ERICH5: variants seen among roughly 807,000 people sequenced by gnomAD.
ERICH5 encodes glutamate rich 5.
A neutral mutation model predicts 28.0 loss-of-function variants in ERICH5; 24 were observed. That is an observed-to-expected ratio of 0.86 (90% CI 0.62 to 1.21). ERICH5 has a LOEUF of 1.21. Ranked by LOEUF, ERICH5 falls within the 50% of genes most tolerant of loss-of-function variation. ERICH5 has a pLI of 0.00. For synonymous variants in ERICH5, 163 were observed against 157.6 expected (o/e 1.03, Z -0.25); for missense variants, 421 against 441.2 (o/e 0.95, Z 0.41).
intron 1 of ERICH5, among the ~76,000 whole-genome samples, chr8:98,071,690 G>A (rs1193148998): frequency 6.6e-6 from 1 of 151,808 alleles, no homozygotes; most frequent in Non-Finnish European, 1.5e-5. Flanking sequence ...CTCCAGGTGT[G>A]TTTATGTCTT....
At chr8:98,083,991 C>T (rs1184463242) in intron 1 of ERICH5, among the ~76,000 whole-genome samples, 3 of 152,140 alleles carry the variant, frequency 2.0e-5, no homozygotes, top group Non-Finnish European at 4.4e-5. Flanking sequence ...AGTGATCCTC[C>T]CCCATCAGCC....
In ERICH5 at chr8:98,090,025, T is replaced by G; in HGVS notation, c.1008T>G (p.Ile336Met). 6.2e-7 allele frequency: 1 copy of G among 1,606,202 alleles called. No homozygotes were observed. The highest frequency in any genetic ancestry group is 1.1e-5 in the South Asian group (1 of 90,230). The change falls in exon 2 of 3, where the codon ATT becomes ATG. Residue 336 changes from isoleucine to methionine, a missense_variant. Transcript: ENST00000318528. ...ATACTAATGAAGAGGACCAACGCAT[T>G]GAAGGTAAAAGTTATGCTGGCAAAC... ...NIHTNEEDQR[I>M]EGETGEKVET...
rs943710285 is a variant in ERICH5 at position 98,064,949 on chromosome 8, G to A, written c.58+222G>A. Among the ~76,000 whole-genome samples, 3 of 152,320 alleles carry A rather than the reference G, an allele frequency of 2.0e-5. No individual in the cohort carries two copies. The South Asian group carries it at 6.2e-4, about 32-fold the overall frequency. On this transcript the variant is annotated intron_variant, in intron 1 of 2. Transcript: ENST00000318528. The stretch of plus-strand genomic sequence containing the variant: ...CGGCGGCCCTGGTGCGCTCCGCGGC[G>A]CTCGCTGCGAGACGCGCGGGGCCCG...
In ERICH5 at chr8:98,089,588, A is replaced by G. The variant is rs753862086; in HGVS notation, c.571A>G (p.Thr191Ala). The change falls in exon 2 of 3, where the codon ACT becomes GCT. Residue 191 changes from threonine (T) to alanine (A), a missense_variant. Thr to Ala is a moderately conservative substitution (Grantham distance 58, BLOSUM62 0). Transcript: ENST00000318528. ...TGCAGAGATGAAGCCTCTAGGAACA[A>G]CTGAGAACGTTCTGACTCTGCAAAT... ...TAAEMKPLGT[T>A]ENVLTLQIAG... is the part of the protein sequence containing the mutation. 1.2e-6 allele frequency: 2 copies of G among 1,614,226 alleles called. No individual in the cohort carries two copies. The highest frequency in any genetic ancestry group is 2.2e-5 in the East Asian group (1 of 44,894).
intron 1 of ERICH5, among the ~76,000 whole-genome samples, chr8:98,077,624 G>A (rs1815081234): frequency 6.6e-6 from 1 of 152,174 alleles, no homozygotes; most frequent in South Asian, 2.1e-4. Context: ...AGCTCTTAAA[G>A]TTCAGCCTCT....
chr8:98,086,746 C>A (rs540271081), intron 1 of ERICH5, among the ~76,000 whole-genome samples: 8 of 151,834 alleles, frequency 5.3e-5, no homozygotes, highest in Admixed American at 5.2e-4. Context: ...GTCATGAGAT[C>A]GAGACCATCC....
At chr8:98,077,521 G>A (rs1170422249) in intron 1 of ERICH5, among the ~76,000 whole-genome samples, 1 of 152,058 alleles carries the variant, frequency 6.6e-6, no homozygotes, top group African/African-American at 2.4e-5. Flanking sequence ...TTATCTTATA[G>A]GAATCTAAAA....
chr8:98,083,292 C>T (rs1227622582), intron 1 of ERICH5, among the ~76,000 whole-genome samples: 1 of 152,112 alleles, frequency 6.6e-6, no homozygotes, highest in African/African-American at 2.4e-5. Context: ...CTGGTTTATT[C>T]CCTAAGGCAA....
At chr8:98,082,741 C>T (rs967180909) in intron 1 of ERICH5, among the ~76,000 whole-genome samples, 3 of 151,924 alleles carry the variant, frequency 2.0e-5, no homozygotes, top group South Asian at 2.1e-4. Flanking sequence ...CGTGGTGGCA[C>T]ATGTCTGTAG....
chr8:98,083,016 T>C (rs1413691244), intron 1 of ERICH5, among the ~76,000 whole-genome samples: 1 of 152,230 alleles, frequency 6.6e-6, no homozygotes, highest in Non-Finnish European at 1.5e-5. Context: ...CGCAAAGCTT[T>C]TTATTGTGGG....
chr8:98,089,494 G>C lies in ERICH5; in HGVS notation c.477G>C (p.Gln159His). 1 of 1,614,204 alleles carries C rather than the reference G, an allele frequency of 6.2e-7. No individual in the cohort carries two copies. The highest frequency in any genetic ancestry group is 8.5e-7 in the Non-Finnish European group (1 of 1,180,034). Residue 159 changes from glutamine (Q) to histidine (H), a missense_variant, in exon 2 of 3, where the codon CAG (glutamine) becomes CAC (histidine). Transcript: ENST00000318528. ...AQPLGPEAKGQPLQAAVEKDS... is the reference protein window; with the variant it reads ...AQPLGPEAKGHPLQAAVEKDS... ...CTTTAGGACCAGAAGCCAAGGGTCA[G>C]CCTTTGCAGGCAGCAGTAGAGAAGG...
intron 1 of ERICH5, among the ~76,000 whole-genome samples, chr8:98,084,124 A>G (rs1213057354): frequency 1.3e-5 from 2 of 151,378 alleles, no homozygotes; most frequent in Non-Finnish European, 2.9e-5. Context: ...CCTGGCCTCA[A>G]GTGATCCTCC....
intron 1 of ERICH5, 73 bp downstream of exon 1, chr8:98,064,800 G>T (rs1814790143): frequency 2.3e-6 from 3 of 1,310,794 alleles, no homozygotes; most frequent in Non-Finnish European, 3.1e-6. Flanking sequence ...GAGGTCCAAA[G>T]GGTGTGTCCC....
At chr8:98,079,137 G>A (rs1815118473) in intron 1 of ERICH5, among the ~76,000 whole-genome samples, 2 of 149,750 alleles carry the variant, frequency 1.3e-5, no homozygotes, top group Admixed American at 6.7e-5. Flanking sequence ...TAGGATACCA[G>A]GGACCACATT....
intron 1 of ERICH5, among the ~76,000 whole-genome samples, chr8:98,073,482 A>ATG (rs1296338967): frequency 7.8e-4 from 2 of 2,580 alleles, no homozygotes; most frequent in Admixed American, 9.3e-3. Context: ...ATATATATAT[A>ATG]TATGTATATA....
At chr8:98,081,142 G>GT (rs1438614399) in intron 1 of ERICH5, among the ~76,000 whole-genome samples, 2 of 151,070 alleles carry the variant, frequency 1.3e-5, no homozygotes, top group Non-Finnish European at 2.9e-5. Context: ...GTCTTGCTCT[G>GT]TCTCCCAGGC....
In ERICH5 at chr8:98,070,660, C is replaced by CAAAAAAAA. The variant is rs769042472; in HGVS notation, c.58+5948_58+5955dup. The stretch of plus-strand genomic sequence containing the variant: ...GGGCAACAAGAGTGAAACTGCATCT[C>CAAAAAAAA]AAAAAAAAAAAAAAAAAAAAAAGAA... On this transcript the variant is annotated intron_variant, in intron 1 of 2. Coordinates refer to ENST00000318528, the MANE Select transcript of ERICH5 (RefSeq NM_173549.3). Among the ~76,000 whole-genome samples, 122 of 38,716 alleles carry CAAAAAAAA rather than the reference C, an allele frequency of 3.2e-3. 5 individuals are homozygous for CAAAAAAAA. The highest frequency in any genetic ancestry group is 8.4e-3 in the African/African-American group (93 of 11,130). 25.4% of individuals were successfully genotyped at this position (38,716 alleles called of 152,430 possible). A position where few individuals can be genotyped will look rare whatever the true frequency, so the allele number is the denominator to read the frequency against.
Position 98,073,452 on chromosome 8 carries a change from ATATATATG to A in ERICH5, c.58+8733_58+8740del, listed in dbSNP as rs1563753417. ...TCTCTCTATATATATATATATATAT[ATATATATG>A]TATATATATATATATATATATATAT... is the stretch of plus-strand genomic sequence containing the variant. On this transcript the variant is annotated intron_variant, in intron 1 of 2. Transcript: ENST00000318528. Among the ~76,000 whole-genome samples, 5 of 11,068 alleles carry A rather than the reference ATATATATG, an allele frequency of 4.5e-4. 1 individual carries two copies. Among genetic ancestry groups the A allele is most frequent in the African/African-American group, 3.4e-3 (5 of 1,454 alleles). The allele number at this position is 11,068 out of a possible 152,430, so 7.3% of individuals were successfully genotyped here.
intron 1 of ERICH5, among the ~76,000 whole-genome samples, chr8:98,087,364 T>C (rs989210711): frequency 3.3e-5 from 5 of 152,152 alleles, no homozygotes; most frequent in Non-Finnish European, 1.5e-5. Context: ...GAGTATTACT[T>C]GTTTTTAGCT....
Sources: gnomAD v4.1 joint callset for allele counts (sites outside exome capture counted in the v4.1 genomes callset) on GRCh38, gnomAD v4.1.1 for gene constraint, MANE v1.5 for transcripts, NCBI Gene and HGNC (gene_info 2026-07-23, HGNC 2026-07-21) for gene names.